The following PRKCH variants were observed in gnomAD, a reference collection of about 807,000 sequenced individuals.
The protein encoded by PRKCH is protein kinase C eta type.
A neutral mutation model predicts 82.5 loss-of-function variants in PRKCH; 28 were observed. The ratio of observed to expected loss-of-function variants is 0.34; its 90% CI spans 0.25 to 0.47. The LOEUF (loss-of-function observed/expected upper bound fraction) is 0.47, where lower values mean the gene tolerates loss of function less well. PRKCH is among the 20% of genes least tolerant of loss of function. PRKCH has a pLI of 1.00. For synonymous variants in PRKCH, 322 were observed against 327.4 expected, an observed-to-expected ratio of 0.98 and a Z score of 0.18; for missense variants, 705 against 881.8, an observed-to-expected ratio of 0.80 and a Z score of 2.54.
intron 1 of PRKCH, among the ~76,000 whole-genome samples, chr14:61,235,515 C>T (rs770284963): frequency 5.9e-5 from 9 of 152,106 alleles, no homozygotes; most frequent in Non-Finnish European, 1.2e-4. Context: ...CTTACTAGTT[C>T]CCAATTAACC....
At chr14:61,267,344 G>A (rs1216306703) in intron 1 of PRKCH, among the ~76,000 whole-genome samples, 1 of 152,124 alleles carries the variant, frequency 6.6e-6, no homozygotes, top group East Asian at 1.9e-4. Flanking sequence ...AAAGCTTCCC[G>A]GTTCAAGGAG....
intron 1 of PRKCH, among the ~76,000 whole-genome samples, chr14:61,203,360 A>C (rs1594850205): frequency 6.6e-6 from 1 of 152,144 alleles, no homozygotes; most frequent in Non-Finnish European, 1.5e-5. Context: ...TCTGCGAAAG[A>C]GGTGCCAAGC....
At chr14:61,377,668 G>A (rs2046443577) in intron 1 of PRKCH, among the ~76,000 whole-genome samples, 1 of 152,208 alleles carries the variant, frequency 6.6e-6, no homozygotes, top group Non-Finnish European at 1.5e-5. Context: ...AAAATAGGCA[G>A]CAGCTGGCAT....
chr14:61,280,152 G>C lies in PRKCH; in HGVS notation c.-19+92484G>C. On this transcript the variant is annotated intron_variant, in intron 1 of 3. Coordinates refer to the PRKCH transcript ENST00000555185. This position sits in a 1 kb window ranked among gnomAD's most constrained non-coding sequence, Gnocchi z 5.0. ...GAATGTAGACGACCAGCATGACAAA[G>C]CCGGTGAGGATGCAGAGGGAGCCGA... 4 of 1,614,074 alleles carry C rather than the reference G, an allele frequency of 2.5e-6. No individual in the cohort carries two copies. Among genetic ancestry groups the C allele is most frequent in the Non-Finnish European group, 3.4e-6 (4 of 1,179,990 alleles).
intron 10 of PRKCH, among the ~76,000 whole-genome samples, chr14:61,516,065 C>G (rs770208606): frequency 5.3e-5 from 8 of 152,136 alleles, no homozygotes; most frequent in Non-Finnish European, 1.2e-4. Flanking sequence ...CTCGGCTAAT[C>G]AGGCTCTAAA....
chr14:61,221,549 G>A (rs1288428432), intron 1 of PRKCH, among the ~76,000 whole-genome samples: 1 of 151,974 alleles, frequency 6.6e-6, no homozygotes, highest in East Asian at 1.9e-4. Context: ...CAGCGATGGG[G>A]GCATATTAAA....
intron 9 of PRKCH, among the ~76,000 whole-genome samples, chr14:61,458,716 G>A (rs957202512): frequency 1.3e-5 from 2 of 152,146 alleles, no homozygotes; most frequent in African/African-American, 4.8e-5. Flanking sequence ...AGTCATAGCG[G>A]AAGGGTGAAG....
At chr14:61,233,308 T>C (rs2044759020) in intron 1 of PRKCH, among the ~76,000 whole-genome samples, 1 of 152,042 alleles carries the variant, frequency 6.6e-6, no homozygotes, top group Non-Finnish European at 1.5e-5. Context: ...GGAAGACTGC[T>C]TGAGCCCAAG....
At chr14:61,547,664 C>T in intron 12 of PRKCH, 79 bp from the exon 13 acceptor site, 3 of 1,529,806 alleles carry the variant, frequency 2.0e-6, no homozygotes, top group Non-Finnish European at 2.6e-6. Context: ...GCTCCTCTGC[C>T]ATGGCTGATG....
chr14:61,337,215 C>A (rs2045870882), intron 1 of PRKCH, among the ~76,000 whole-genome samples: 1 of 138,448 alleles, frequency 7.2e-6, no homozygotes, highest in Non-Finnish European at 1.5e-5. Flanking sequence ...GTGAACATGA[C>A]TCACTGCAGT....
intron 3 of PRKCH, among the ~76,000 whole-genome samples, chr14:61,444,635 C>T (rs187290278): frequency 6.6e-6 from 1 of 152,256 alleles, no homozygotes; most frequent in East Asian, 1.9e-4. Context: ...CTCTCTCACA[C>T]ACACTTAAAA....
At chr14:61,283,589 A>G (rs1232414783) in intron 1 of PRKCH, among the ~76,000 whole-genome samples, 2 of 152,106 alleles carry the variant, frequency 1.3e-5, no homozygotes, top group Non-Finnish European at 2.9e-5. Flanking sequence ...GCTCATGCCT[A>G]TAATTCAAGC....
At chr14:61,198,533 GTATAT>G (rs1566777510) in intron 1 of PRKCH, among the ~76,000 whole-genome samples, 3 of 152,142 alleles carry the variant, frequency 2.0e-5, no homozygotes. Flanking sequence ...CTATAATAGT[GTATAT>G]TATATTGCAT....
chr14:61,434,694 T>G (rs907999401), intron 2 of PRKCH, among the ~76,000 whole-genome samples: 3 of 152,188 alleles, frequency 2.0e-5, no homozygotes, highest in Non-Finnish European at 2.9e-5. Flanking sequence ...AAACATTTTC[T>G]ACTTCACTTC....
intron 7 of PRKCH, among the ~76,000 whole-genome samples, chr14:61,455,986 T>A (rs1377327392): frequency 6.6e-6 from 1 of 150,784 alleles, no homozygotes. Context: ...AGACGGTAAG[T>A]TGGCTGTGTA....
At chr14:61,281,245 G>T in intron 1 of PRKCH, 1 of 736,110 alleles carries the variant, frequency 1.4e-6, no homozygotes, top group Non-Finnish European at 1.9e-6. Flanking sequence ...GACTGCTCGC[G>T]GGTCGGGTTT....
intron 1 of PRKCH, among the ~76,000 whole-genome samples, chr14:61,210,191 G>A (rs936378951): frequency 7.1e-6 from 1 of 140,064 alleles, no homozygotes; most frequent in Admixed American, 7.4e-5. Context: ...GCAGGCACCT[G>A]TAATCCCAGC....
At position 61,210,152 on chromosome 14, in the gene PRKCH, ATATATATAT is replaced by A. The variant is rs1566781721; in HGVS notation, c.-19+22485_-19+22493del. On this transcript the variant is annotated intron_variant, in intron 1 of 3. Coordinates refer to the PRKCH transcript ENST00000555185. ...TATATATATATATATATATATATAT[ATATATATAT>A]AAATTAGCTTGGCATAGTGGCAGGC... 8.0e-3 allele frequency among the ~76,000 whole-genome samples: 736 copies of A among 91,732 alleles called. 19 individuals carry two copies. The highest frequency in any genetic ancestry group is 0.027 in the African/African-American group (647 of 23,590). The allele number at this position is 91,732 out of a possible 152,430, so 60.2% of individuals were successfully genotyped here.
intron 1 of PRKCH, among the ~76,000 whole-genome samples, chr14:61,325,490 CTAAATG>C (rs1161106925): frequency 6.6e-6 from 1 of 152,114 alleles, no homozygotes; most frequent in Non-Finnish European, 1.5e-5. Context: ...GATTATAGAC[CTAAATG>C]TAAGAGTTTA....
Sources: allele counts gnomAD v4.1 joint callset (sites outside exome capture counted in the v4.1 genomes callset), GRCh38; gene constraint gnomAD v4.1.1; non-coding constraint Gnocchi (gnomAD v3.1); transcripts MANE v1.5; gene names NCBI Gene and HGNC (gene_info 2026-07-23, HGNC 2026-07-21).